Variants in XPNPEP3 observed in about 807,000 individuals in gnomAD.
The protein encoded by XPNPEP3 is X-prolyl aminopeptidase 3.
XPNPEP3 carries 41 observed loss-of-function variants against 60.0 expected under a neutral mutation model. The observed-to-expected ratio is 0.68, with a 90% confidence interval of 0.53 to 0.89. The LOEUF is 0.89. Among genes scored for constraint, XPNPEP3 ranks in the 40% least tolerant of loss-of-function variants. XPNPEP3 has a pLI of 0.00. For synonymous variants in XPNPEP3, 212 were observed against 223.2 expected, an observed-to-expected ratio of 0.95 and a Z score of 0.45; for missense variants, 598 against 638.9, an observed-to-expected ratio of 0.94 and a Z score of 0.69.
chr22:40,860,641 C>A, intron 1 of XPNPEP3: 2 of 1,302,492 alleles, frequency 1.5e-6, no homozygotes, highest in Non-Finnish European at 2.1e-6. Flanking sequence ...AAACTCATTG[C>A]AGTTTTCCAA....
At position 40,886,512 on chromosome 22, in the gene XPNPEP3, A is replaced by C. The variant is rs762603874; in HGVS notation, c.789A>C (p.Ser263=). The part of the protein sequence containing the change: ...ERMQIAGKLT[S]QAFIETMFTS... ...TGCAGATTGCTGGGAAGCTGACATC[A>C]CAGGTATGATTCCTATTGAAAAGTT... The change falls in exon 4 of 10, where the codon TCA becomes TCC. Residue 263 remains serine (S), a synonymous_variant. Coordinates refer to ENST00000357137, the MANE Select transcript of XPNPEP3 (RefSeq NM_022098.4). 1 of 1,613,680 alleles carries C rather than the reference A, an allele frequency of 6.2e-7. No individual in the cohort carries two copies. The highest frequency in any genetic ancestry group is 8.5e-7 in the Non-Finnish European group (1 of 1,179,974).
intron 3 of XPNPEP3, among the ~76,000 whole-genome samples, chr22:40,884,572 G>A (rs894712042): frequency 6.6e-6 from 1 of 150,954 alleles, no homozygotes; most frequent in African/African-American, 2.4e-5. Flanking sequence ...GACCTCAGGT[G>A]ATCCACCCCC....
At chr22:40,864,453 A>ATTATTAT (rs1382587138) in intron 1 of XPNPEP3, among the ~76,000 whole-genome samples, 1 of 151,990 alleles carries the variant, frequency 6.6e-6, no homozygotes, top group Non-Finnish European at 1.5e-5. Flanking sequence ...TGTTACTATT[A>ATTATTAT]TTATTATTTG....
chr22:40,866,497 C>T (rs1030378881), intron 1 of XPNPEP3, among the ~76,000 whole-genome samples: 3 of 152,012 alleles, frequency 2.0e-5, no homozygotes, highest in African/African-American at 7.2e-5. Flanking sequence ...ACTAAGAGAA[C>T]TATATTTTTT....
chr22:40,921,264 G>T (rs1018730988), intron 7 of XPNPEP3, among the ~76,000 whole-genome samples: 3 of 152,082 alleles, frequency 2.0e-5, no homozygotes, highest in South Asian at 4.2e-4. Context: ...CTTCTCAGAC[G>T]GGGGTGGAAG....
intron 1 of XPNPEP3, among the ~76,000 whole-genome samples, chr22:40,858,568 C>T (rs930141447): frequency 5.3e-5 from 6 of 113,542 alleles, no homozygotes; most frequent in South Asian, 3.2e-4. Flanking sequence ...TTGCTCTTGT[C>T]GCCCAGGCTG....
At chr22:40,861,235 A>C in intron 1 of XPNPEP3, 1 of 1,614,054 alleles carries the variant, frequency 6.2e-7, no homozygotes, top group Non-Finnish European at 8.5e-7. Context: ...ACATGTTTGG[A>C]GCTGTGAGAA....
intron 5 of XPNPEP3, among the ~76,000 whole-genome samples, chr22:40,908,663 A>G (rs2058165577): frequency 6.6e-6 from 1 of 152,206 alleles, no homozygotes; most frequent in Non-Finnish European, 1.5e-5. Flanking sequence ...TTAGATTTGT[A>G]GCTATTTGAA....
At chr22:40,904,902 T>C (rs1742901726) in intron 4 of XPNPEP3, among the ~76,000 whole-genome samples, 1 of 151,248 alleles carries the variant, frequency 6.6e-6, no homozygotes, top group Admixed American at 6.6e-5. Flanking sequence ...GCAGCTGGGA[T>C]TACAGGTGCC....
At chr22:40,863,508 A>G (rs573887237) in intron 1 of XPNPEP3, among the ~76,000 whole-genome samples, 42 of 152,298 alleles carry the variant, frequency 2.8e-4, no homozygotes, top group Middle Eastern at 6.8e-3. Context: ...TTTCAAGACC[A>G]TTTGTCAGGT....
intron 6 of XPNPEP3, 79 bp from the exon 7 acceptor site, chr22:40,914,160 A>AT: frequency 1.6e-6 from 2 of 1,252,006 alleles, no homozygotes; most frequent in Non-Finnish European, 2.3e-6. Flanking sequence ...AAAAAAAAAA[A>AT]GAAAGGCATA....
At chr22:40,873,159 G>T (rs2058014104) in intron 2 of XPNPEP3, among the ~76,000 whole-genome samples, 1 of 134,408 alleles carries the variant, frequency 7.4e-6, no homozygotes, top group East Asian at 2.3e-4. Flanking sequence ...AGGCTGGAGT[G>T]CAGTGGCGTG....
At position 40,922,475 on chromosome 22, in the gene XPNPEP3, G is replaced by C; in HGVS notation, c.1198G>C (p.Gly400Arg). 2 of 1,613,944 alleles carry C rather than the reference G, an allele frequency of 1.2e-6. No homozygotes were observed. The highest frequency in any genetic ancestry group is 8.5e-7 in the Non-Finnish European group (1 of 1,179,972). Reference protein sequence around the residue: ...TLIGQKLKDLGIMKNIKENNA... With the variant: ...TLIGQKLKDLRIMKNIKENNA... ...GATAGGACAGAAGCTTAAAGACTTGGGGATCATGAAGAACATTAAGGAAAA... is the reference window on the plus strand; with the variant it reads ...GATAGGACAGAAGCTTAAAGACTTGCGGATCATGAAGAACATTAAGGAAAA... Residue 400 changes from glycine (G) to arginine (R), a missense_variant, in exon 8 of 10, where the codon GGG becomes CGG. Physicochemically the swap from Gly to Arg is moderately radical, Grantham distance 125 (BLOSUM62 -2). Transcript: ENST00000357137.
At chr22:40,878,631 G>A (rs1025708424) in intron 2 of XPNPEP3, among the ~76,000 whole-genome samples, 5 of 150,930 alleles carry the variant, frequency 3.3e-5, no homozygotes, top group Non-Finnish European at 7.4e-5. Flanking sequence ...CTGTCGCTCA[G>A]GCCGGAATGT....
At chr22:40,891,519 G>A (rs1601504995) in intron 4 of XPNPEP3, among the ~76,000 whole-genome samples, 1 of 152,172 alleles carries the variant, frequency 6.6e-6, no homozygotes, top group African/African-American at 2.4e-5. Flanking sequence ...TGGGCGTGGT[G>A]GCGGGCGCCT....
rs1050295576 is a variant in XPNPEP3, at chr22:40,929,548, A to G, written c.*3113A>G. 2 of 152,144 alleles carry G rather than the reference A, an allele frequency of 1.3e-5. No individual in the cohort carries two copies. The highest frequency in any genetic ancestry group is 1.3e-4 in the Admixed American group (2 of 15,268). The allele number at this position is 152,144 out of a possible 1,614,324, so 9.4% of individuals were successfully genotyped here. On this transcript the variant is annotated 3_prime_UTR_variant, in exon 10 of 10. Coordinates refer to ENST00000357137, the MANE Select transcript of XPNPEP3 (RefSeq NM_022098.4). Reference sequence around the variant, plus strand: ...AAAAGCCTAGGTAGCTTGTATGTATAGCAGCATACTTGGACATGAAACACA... The same window carrying G: ...AAAAGCCTAGGTAGCTTGTATGTATGGCAGCATACTTGGACATGAAACACA...
chr22:40,866,149 T>C (rs76395134), intron 1 of XPNPEP3, among the ~76,000 whole-genome samples: 6,737 of 152,160 alleles, frequency 0.044, 476 homozygotes, highest in African/African-American at 0.15. Flanking sequence ...TAATTCCTCT[T>C]TTTTCTTTAT....
chr22:40,862,147 AG>A lies in XPNPEP3; in HGVS notation c.64+4904del, dbSNP rs569865898. On this transcript the variant is annotated intron_variant, in intron 1 of 9. Transcript: ENST00000357137. ...TGTTATTACCATGTGCTAAGAGATG[AG>A]GATACTGATTATGTGGCAAGCAGAG... 9.7e-5 allele frequency: 140 copies of A among 1,446,132 alleles called. No individual in the cohort carries two copies. In the African/African-American group the frequency reaches 1.9e-3, roughly 19 times the overall value. The allele number at this position is 1,446,132 out of a possible 1,614,324, so 89.6% of individuals were successfully genotyped here. A position where few individuals can be genotyped will look rare whatever the true frequency, so the allele number is the denominator to read the frequency against.
chr22:40,862,492 A>G lies in XPNPEP3; in HGVS notation c.64+5247A>G, dbSNP rs1227805061. On this transcript the variant is annotated intron_variant, in intron 1 of 9. Coordinates refer to ENST00000357137, the MANE Select transcript of XPNPEP3 (RefSeq NM_022098.4). ...TGAAGAAAGTATTCAAACAGTTGAC[A>G]TATTTATTTCAGTCAAGAAACAGTT... 10 of 985,708 alleles carry G rather than the reference A, an allele frequency of 1.0e-5. No individual in the cohort carries two copies. In the East Asian group the frequency reaches 5.7e-4, roughly 56 times the overall value. 61.1% of individuals were successfully genotyped at this position (985,708 alleles called of 1,614,324 possible).
Sources: allele counts gnomAD v4.1 joint callset (sites outside exome capture counted in the v4.1 genomes callset), GRCh38; gene constraint gnomAD v4.1.1; transcripts MANE v1.5; gene names NCBI Gene and HGNC (gene_info 2026-07-23, HGNC 2026-07-21).